Variants in RBFOX1 observed in about 807,000 individuals in gnomAD.
The protein encoded by RBFOX1 is RNA binding protein fox-1 homolog 1.
In RBFOX1, 8 loss-of-function variants were observed where a neutral mutation model predicts 57.7. That is an observed-to-expected ratio of 0.14 (90% CI 0.08 to 0.25). The LOEUF is 0.25. RBFOX1 is among the 10% of genes least tolerant of loss of function. RBFOX1 has a pLI of 1.00. For synonymous variants in RBFOX1, 326 were observed against 222.4 expected (o/e 1.47, Z -4.15); for missense variants, 611 against 548.5 (o/e 1.11, Z -1.14).
chr16:7,625,488 C>G (rs934796114), intron 10 of RBFOX1, among the ~76,000 whole-genome samples: 9 of 152,090 alleles, frequency 5.9e-5, no homozygotes, highest in Non-Finnish European at 1.2e-4. Context: ...CAGAAACTTC[C>G]TGCATGGGGG....
intron 4 of RBFOX1, among the ~76,000 whole-genome samples, chr16:7,193,457 C>G (rs182705185): frequency 3.3e-5 from 5 of 152,318 alleles, no homozygotes; most frequent in African/African-American, 1.2e-4. Flanking sequence ...TTGTTTAAAG[C>G]CATCATGTTT....
chr16:7,359,281 A>G (rs756291052), intron 4 of RBFOX1, among the ~76,000 whole-genome samples: 2 of 152,248 alleles, frequency 1.3e-5, no homozygotes, highest in African/African-American at 2.4e-5. Context: ...AAAATAGTAT[A>G]TAGCTGTATG....
chr16:7,449,675 G>T (rs1465341420), intron 4 of RBFOX1, among the ~76,000 whole-genome samples: 1 of 137,020 alleles, frequency 7.3e-6, no homozygotes, highest in African/African-American at 2.8e-5. Flanking sequence ...GTGATAATTT[G>T]TCAGTTGGAT....
intron 4 of RBFOX1, among the ~76,000 whole-genome samples, chr16:7,342,197 C>A (rs928035297): frequency 1.3e-5 from 2 of 152,158 alleles, no homozygotes; most frequent in African/African-American, 4.8e-5. Context: ...CCTCTCTGAA[C>A]CTCCACTTCC....
At chr16:6,802,132 G>T (rs1219339044) in intron 3 of RBFOX1, among the ~76,000 whole-genome samples, 1 of 151,890 alleles carries the variant, frequency 6.6e-6, no homozygotes, top group East Asian at 1.9e-4. Context: ...ATCTTGTCAG[G>T]ATTTAAGCCC....
At chr16:5,357,536 G>T (rs766950122) in intron 1 of RBFOX1, among the ~76,000 whole-genome samples, 67 of 152,190 alleles carry the variant, frequency 4.4e-4, no homozygotes, top group Admixed American at 2.0e-3. Flanking sequence ...AGGTTAATGT[G>T]CATAGGAATC....
intron 8 of RBFOX1, among the ~76,000 whole-genome samples, chr16:7,595,903 TTTG>T (rs2094662791): frequency 1.3e-5 from 2 of 151,236 alleles, no homozygotes; most frequent in Admixed American, 6.6e-5. Flanking sequence ...AAAGTGTTTT[TTTG>T]TTGTTATTTT....
intron 2 of RBFOX1, among the ~76,000 whole-genome samples, chr16:6,626,920 G>A (rs894996230): frequency 1.3e-5 from 2 of 152,078 alleles, no homozygotes; most frequent in Non-Finnish European, 2.9e-5. Context: ...ATACACAAAG[G>A]CCCTTTGAAT....
intron 1 of RBFOX1, among the ~76,000 whole-genome samples, chr16:5,457,978 C>G (rs594957): frequency 0.039 from 5,953 of 152,194 alleles, 251 homozygotes; most frequent in African/African-American, 0.11. Context: ...GACCCACTTA[C>G]AAGAACCAAC....
At chr16:7,688,842 C>G (rs957827082) in intron 14 of RBFOX1, among the ~76,000 whole-genome samples, 1 of 152,032 alleles carries the variant, frequency 6.6e-6, no homozygotes, top group Admixed American at 6.6e-5. Flanking sequence ...CAATTATTCT[C>G]AAAGAGGAGT....
At chr16:7,436,044 C>G (rs1389526961) in intron 4 of RBFOX1, among the ~76,000 whole-genome samples, 3 of 152,142 alleles carry the variant, frequency 2.0e-5, no homozygotes, top group African/African-American at 4.8e-5. Flanking sequence ...TGAAAGCTCC[C>G]TGAACATCGT....
intron 3 of RBFOX1, among the ~76,000 whole-genome samples, chr16:5,623,487 T>G (rs942370670): frequency 1.3e-5 from 2 of 152,180 alleles, no homozygotes; most frequent in African/African-American, 4.8e-5. Flanking sequence ...TGCTAAGTGC[T>G]GGACAGGCCC....
At chr16:6,878,246 C>G (rs2062208949) in intron 3 of RBFOX1, among the ~76,000 whole-genome samples, 1 of 152,170 alleles carries the variant, frequency 6.6e-6, no homozygotes, top group Non-Finnish European at 1.5e-5. Context: ...CTGCTGAGCA[C>G]TGCTTGAAGT....
At chr16:6,040,510 T>G (rs901322840) in intron 1 of RBFOX1, among the ~76,000 whole-genome samples, 4 of 152,228 alleles carry the variant, frequency 2.6e-5, no homozygotes, top group Non-Finnish European at 5.9e-5. Flanking sequence ...TCCTCAGGGT[T>G]TATCTGCGTG....
At chr16:6,417,114 C>A (rs775281624) in intron 2 of RBFOX1, among the ~76,000 whole-genome samples, 4 of 152,070 alleles carry the variant, frequency 2.6e-5, no homozygotes, top group Non-Finnish European at 4.4e-5. Context: ...CGGGTTCAAG[C>A]GATTCTCCTG....
At chr16:5,745,043 A>G (rs1329312336) in intron 3 of RBFOX1, among the ~76,000 whole-genome samples, 1 of 152,130 alleles carries the variant, frequency 6.6e-6, no homozygotes, top group African/African-American at 2.4e-5. Flanking sequence ...TGCTGTACCC[A>G]TTAACTTGTC....
intron 2 of RBFOX1, among the ~76,000 whole-genome samples, chr16:6,437,042 A>G (rs1597233344): frequency 6.6e-6 from 1 of 152,176 alleles, no homozygotes; most frequent in East Asian, 1.9e-4. Context: ...GTTACTCAGT[A>G]TTTTTGGCTC....
At chr16:7,308,217 G>T (rs2096236903) in intron 4 of RBFOX1, among the ~76,000 whole-genome samples, 1 of 151,686 alleles carries the variant, frequency 6.6e-6, no homozygotes, top group African/African-American at 2.4e-5. Flanking sequence ...CTCATGGTAA[G>T]GTATGGTGAG....
rs945404947 is a variant in RBFOX1, at chr16:7,197,998, C to CTTTTTTTTTTTT, written c.27+145914_27+145925dup. On this transcript the variant is annotated intron_variant, in intron 4 of 15. Transcript: ENST00000550418. ...TCATACCTTGTGGTTTTCTTTCTTT[C>CTTTTTTTTTTTT]TTTTTTTTTTTTTTTTTTTTTTTTT... Among the ~76,000 whole-genome samples the CTTTTTTTTTTTT allele has an allele frequency of 1.5e-3, 81 of 55,596 alleles. 2 individuals carry two copies. The highest frequency in any genetic ancestry group is 4.9e-3 in the African/African-American group (66 of 13,594). The allele number at this position is 55,596 out of a possible 152,430, so 36.5% of individuals were successfully genotyped here. A position where few individuals can be genotyped will look rare whatever the true frequency, so the allele number is the denominator to read the frequency against.
Sources: gnomAD v4.1 joint callset for allele counts (sites outside exome capture counted in the v4.1 genomes callset) on GRCh38, gnomAD v4.1.1 for gene constraint, MANE v1.5 for transcripts, NCBI Gene and HGNC (gene_info 2026-07-23, HGNC 2026-07-21) for gene names.